The following OR2L13 variants were observed in gnomAD, a reference collection of about 807,000 sequenced individuals.
OR2L13 encodes olfactory receptor 2L13.
OR2L13 carries 14 observed loss-of-function variants against 15.3 expected under a neutral mutation model. That is an observed-to-expected ratio of 0.91 (90% CI 0.60 to 1.43). The LOEUF (loss-of-function observed/expected upper bound fraction) is 1.43, where lower values mean the gene tolerates loss of function less well. Among genes scored for constraint, OR2L13 ranks in the 40% most tolerant of loss-of-function variants. OR2L13 has a pLI of 0.00. For missense variants in OR2L13, 367 were observed against 387.9 expected (o/e 0.95, Z 0.45); for synonymous variants, 152 against 142.9 (o/e 1.06, Z -0.45).
At chr1:247,975,738 T>C in the OR2L13 span, 1 of 482,894 alleles carries the variant, frequency 2.1e-6, no homozygotes, top group Non-Finnish European at 3.5e-6. Context: ...AAAATAATAT[T>C]CCATGCCAGG....
At chr1:247,974,869 C>T in the OR2L13 span, 1 of 243,894 alleles carries the variant, frequency 4.1e-6, no homozygotes, top group Admixed American at 4.0e-5. Context: ...GGCAATCAGT[C>T]CGTGATCCTT....
chr1:248,008,326 T>C, the OR2L13 span, among the ~76,000 whole-genome samples: 1 of 152,200 alleles, frequency 6.6e-6, no homozygotes, highest in Non-Finnish European at 1.5e-5. Context: ...TTTATCATTC[T>C]TTGTCTAAAA....
chr1:248,084,684 T>G, the OR2L13 span: 1 of 1,495,710 alleles, frequency 6.7e-7, no homozygotes, highest in Non-Finnish European at 9.0e-7. Context: ...TCCCTCTTTT[T>G]TTTCATAGAA....
chr1:248,093,701 G>A (rs78621631), upstream of OR2L13, among the ~76,000 whole-genome samples: 1,075 of 151,960 alleles, frequency 7.1e-3, 5 homozygotes, highest in Middle Eastern at 0.017. Flanking sequence ...CTTTAGTTCC[G>A]GTTCCATCCA....
exon 3 of OR2L13, chr1:248,100,611 T>A (rs1050223535): frequency 5.8e-6 from 1 of 173,512 alleles, no homozygotes; most frequent in Admixed American, 6.4e-5. Context: ...TCTTGTATAT[T>A]GACATAGAAT....
the OR2L13 span, chr1:248,083,491 A>T: frequency 1.4e-6 from 1 of 697,772 alleles, no homozygotes; most frequent in African/African-American, 1.8e-5. Flanking sequence ...CTCTCAATAC[A>T]ATTAGCTCAC....
chr1:247,975,525 A>G, the OR2L13 span: 2 of 1,097,418 alleles, frequency 1.8e-6, no homozygotes, highest in Non-Finnish European at 2.8e-6. Context: ...AATCTCCAAC[A>G]GAGGACAAGG....
chr1:248,045,239 T>C, the OR2L13 span, among the ~76,000 whole-genome samples: 1 of 152,234 alleles, frequency 6.6e-6, no homozygotes. Flanking sequence ...AGCCCAGTTT[T>C]ATTTACGTTC....
the OR2L13 span, among the ~76,000 whole-genome samples, chr1:247,993,807 G>A: frequency 0.029 from 3,779 of 128,640 alleles, 69 homozygotes; most frequent in East Asian, 0.11. Flanking sequence ...GAGAGAGAGA[G>A]AGAGAAAGAA....
At chr1:247,942,407 G>A in the OR2L13 span, among the ~76,000 whole-genome samples, 24 of 152,122 alleles carry the variant, frequency 1.6e-4, no homozygotes, top group African/African-American at 4.8e-4. Context: ...GTGGGTCCAC[G>A]GAACCAGTGG....
the OR2L13 span, among the ~76,000 whole-genome samples, chr1:247,951,263 G>C: frequency 6.6e-6 from 1 of 151,926 alleles, no homozygotes; most frequent in Non-Finnish European, 1.5e-5. Flanking sequence ...TGATTTGGCT[G>C]TTTGGGGTCT....
At chr1:247,994,620 A>G in the OR2L13 span, among the ~76,000 whole-genome samples, 365 of 152,280 alleles carry the variant, frequency 2.4e-3, 3 homozygotes, top group African/African-American at 7.7e-3. Context: ...GGAGGGAGAG[A>G]AAGAGCGTAG....
the OR2L13 span, chr1:248,038,675 C>A: frequency 2.6e-5 from 42 of 1,614,024 alleles, no homozygotes; most frequent in Non-Finnish European, 3.3e-5. Flanking sequence ...TCCGTATAAG[C>A]AAAAGAGTGT....
the OR2L13 span, among the ~76,000 whole-genome samples, chr1:248,011,167 C>T: frequency 3.9e-5 from 6 of 152,180 alleles, no homozygotes; most frequent in South Asian, 2.1e-4. Context: ...AATCTCTTAG[C>T]ATTTGCTTGT....
At chr1:248,041,841 A>T in the OR2L13 span, 2 of 152,212 alleles carry the variant, frequency 1.3e-5, no homozygotes, top group Non-Finnish European at 2.9e-5. Context: ...AATGGCAATC[A>T]TTAAAACGTC....
At chr1:248,028,531 TA>T in the OR2L13 span, among the ~76,000 whole-genome samples, 2 of 152,230 alleles carry the variant, frequency 1.3e-5, no homozygotes, top group African/African-American at 4.8e-5. Context: ...ATGGACTGAA[TA>T]CAGACATGGA....
At chr1:248,009,492 A>G in the OR2L13 span, among the ~76,000 whole-genome samples, 2 of 152,178 alleles carry the variant, frequency 1.3e-5, no homozygotes, top group Non-Finnish European at 2.9e-5. Flanking sequence ...AAATCCCTGA[A>G]CAAAACAATA....
At chr1:248,057,804 T>C in the OR2L13 span, among the ~76,000 whole-genome samples, 1 of 152,188 alleles carries the variant, frequency 6.6e-6, no homozygotes, top group African/African-American at 2.4e-5. Context: ...TCTTTGTTAG[T>C]GTATAGAATT....
chr1:248,088,331 C>T, the OR2L13 span, among the ~76,000 whole-genome samples: 45 of 152,084 alleles, frequency 3.0e-4, no homozygotes, highest in East Asian at 8.5e-3. Flanking sequence ...AGCCTATAAA[C>T]TAATCAATTC....
Sources: gnomAD v4.1 joint callset for allele counts (sites outside exome capture counted in the v4.1 genomes callset) on GRCh38, gnomAD v4.1.1 for gene constraint, MANE v1.5 for transcripts, NCBI Gene and HGNC (gene_info 2026-07-23, HGNC 2026-07-21) for gene names.